Variants in NTM observed in about 807,000 individuals in gnomAD.
The protein encoded by NTM is neurotrimin, also known as IgLON family member 2.
A neutral mutation model predicts 42.1 loss-of-function variants in NTM; 13 were observed. The ratio of observed to expected loss-of-function variants is 0.31; its 90% CI spans 0.20 to 0.49. NTM has a LOEUF of 0.49. Ranked by LOEUF, NTM falls within the 20% of genes least tolerant of loss-of-function variation. The pLI, the probability that NTM is intolerant of heterozygous loss-of-function variation, is 0.99. For synonymous variants in NTM, 187 were observed against 179.2 expected, an observed-to-expected ratio of 1.04 and a Z score of -0.35; for missense variants, 373 against 452.8, an observed-to-expected ratio of 0.82 and a Z score of 1.60.
chr11:132,315,768 C>T (rs2095412359), intron 7 of NTM, among the ~76,000 whole-genome samples: 1 of 152,092 alleles, frequency 6.6e-6, no homozygotes, highest in African/African-American at 2.4e-5. Context: ...TGCATTCTAC[C>T]CGGCACAAAT....
chr11:131,508,294 T>C (rs1591871053), intron 1 of NTM, among the ~76,000 whole-genome samples: 1 of 145,802 alleles, frequency 6.9e-6, no homozygotes, highest in Non-Finnish European at 1.5e-5. Context: ...ATGCTCATCA[T>C]CACTGGCCAT....
chr11:132,243,517 G>A (rs561926964), intron 4 of NTM, among the ~76,000 whole-genome samples: 1 of 152,276 alleles, frequency 6.6e-6, no homozygotes, highest in South Asian at 2.1e-4. Context: ...GTGGCCTTCT[G>A]CACGCTCAGA....
chr11:131,862,734 T>G (rs1400014497), intron 1 of NTM, among the ~76,000 whole-genome samples: 2 of 152,222 alleles, frequency 1.3e-5, no homozygotes, highest in African/African-American at 4.8e-5. Context: ...CTGGTATTTA[T>G]TTTAGGACAA....
intron 2 of NTM, among the ~76,000 whole-genome samples, chr11:132,139,143 A>C (rs78318943): frequency 6.6e-6 from 1 of 152,158 alleles, no homozygotes; most frequent in Non-Finnish European, 1.5e-5. Context: ...TGTTTTGAAC[A>C]TGCTAGGGAA....
chr11:131,552,330 C>T (rs1054391947), intron 1 of NTM, among the ~76,000 whole-genome samples: 5 of 152,092 alleles, frequency 3.3e-5, no homozygotes, highest in Non-Finnish European at 5.9e-5. Flanking sequence ...CCTTTATCTA[C>T]CAAAACTTAA....
intron 2 of NTM, among the ~76,000 whole-genome samples, chr11:131,960,920 G>T (rs2062093457): frequency 6.6e-6 from 1 of 152,184 alleles, no homozygotes; most frequent in African/African-American, 2.4e-5. Context: ...AATTCACAGA[G>T]ATGCGTCATG....
At position 132,291,141 on chromosome 11, in the gene NTM, A is replaced by G. The variant is rs142584349; in HGVS notation, c.527-16548A>G. 2.0e-5 allele frequency among the ~76,000 whole-genome samples: 3 copies of G among 152,308 alleles called. No individual in the cohort carries two copies. The East Asian group carries it at 5.8e-4, about 29-fold the overall frequency. On this transcript the variant is annotated intron_variant, in intron 4 of 8. Coordinates refer to ENST00000683400, the MANE Select transcript of NTM (RefSeq NM_001352005.2). ...ATATTATTATTGAATAAAAATTAAA[A>G]TAGATAATATTTGTAAATAAGTTTT...
chr11:131,765,452 A>G (rs1372781046), intron 1 of NTM, among the ~76,000 whole-genome samples: 4 of 152,030 alleles, frequency 2.6e-5, no homozygotes, highest in East Asian at 3.9e-4. Context: ...AAATCTTTCT[A>G]TCTTATCATG....
At chr11:131,653,081 G>A (rs984829770) in intron 1 of NTM, among the ~76,000 whole-genome samples, 10 of 152,222 alleles carry the variant, frequency 6.6e-5, no homozygotes, top group South Asian at 4.1e-4. Flanking sequence ...GGGACTGGAT[G>A]ATGCAGGCTT....
Position 132,291,708 on chromosome 11 carries a change from C to A in NTM, c.527-15981C>A, listed in dbSNP as rs192025811. ...AGGACTATCCAGAGAGGTGGTTGGG[C>A]AGTTAGGAGATTATGACATTATAGA... On this transcript the variant is annotated intron_variant, in intron 4 of 8. Coordinates refer to ENST00000683400, the MANE Select transcript of NTM (RefSeq NM_001352005.2). Among the ~76,000 whole-genome samples, 318 of 152,138 alleles carry A rather than the reference C, an allele frequency of 2.1e-3. 2 individuals are homozygous for A. The highest frequency in any genetic ancestry group is 7.3e-3 in the African/African-American group (301 of 41,508).
intron 1 of NTM, among the ~76,000 whole-genome samples, chr11:131,860,738 C>T (rs993471441): frequency 1.3e-5 from 2 of 152,200 alleles, no homozygotes; most frequent in African/African-American, 4.8e-5. Flanking sequence ...AGGAAGTACA[C>T]TTTCACCACC....
At chr11:131,923,433 CAT>C (rs2057505303) in intron 2 of NTM, among the ~76,000 whole-genome samples, 1 of 152,148 alleles carries the variant, frequency 6.6e-6, no homozygotes, top group South Asian at 2.1e-4. Flanking sequence ...TCTGTATTGG[CAT>C]GGGATTGGGT....
At chr11:131,916,186 C>T (rs578235212) in intron 2 of NTM, among the ~76,000 whole-genome samples, 58 of 152,308 alleles carry the variant, frequency 3.8e-4, no homozygotes, top group African/African-American at 1.4e-3. Context: ...GCTCCTAGCT[C>T]CTGGGTGGAA....
intron 2 of NTM, among the ~76,000 whole-genome samples, chr11:132,100,177 A>G (rs903285241): frequency 6.6e-6 from 1 of 152,246 alleles, no homozygotes; most frequent in Non-Finnish European, 1.5e-5. Context: ...GAAGTTTTCC[A>G]AATGAAAGCT....
At chr11:131,770,286 G>C (rs2085852532) in intron 1 of NTM, among the ~76,000 whole-genome samples, 1 of 152,200 alleles carries the variant, frequency 6.6e-6, no homozygotes, top group Non-Finnish European at 1.5e-5. Context: ...TTACAAAAAA[G>C]GTGGAAAACT....
chr11:131,415,789 T>C (rs1946882122), intron 1 of NTM, among the ~76,000 whole-genome samples: 2 of 152,242 alleles, frequency 1.3e-5, no homozygotes, highest in South Asian at 2.1e-4. Context: ...TAAACCACGA[T>C]GACTCTTGAA....
chr11:131,548,487 T>C (rs543863695), intron 1 of NTM, among the ~76,000 whole-genome samples: 2 of 152,328 alleles, frequency 1.3e-5, no homozygotes, highest in African/African-American at 4.8e-5. Flanking sequence ...CTCAGAGCTA[T>C]ATAAATGTAA....
Position 131,617,123 on chromosome 11 carries a change from G to A in NTM, c.82+246235G>A, listed in dbSNP as rs1024375070. On this transcript the variant is annotated intron_variant, in intron 1 of 8. Coordinates refer to ENST00000683400, the MANE Select transcript of NTM (RefSeq NM_001352005.2). ...AGGCTGGGGCAGGCAGACCCTAGGTGTGCTGCCGATGTCAGGGTTCCCTCG... is the reference window on the plus strand; with the variant it reads ...AGGCTGGGGCAGGCAGACCCTAGGTATGCTGCCGATGTCAGGGTTCCCTCG... 2.0e-5 allele frequency among the ~76,000 whole-genome samples: 3 copies of A among 152,068 alleles called. No homozygotes were observed. In the South Asian group the frequency reaches 6.2e-4, roughly 32 times the overall value.
chr11:132,254,246 A>G (rs1335804043), intron 4 of NTM, among the ~76,000 whole-genome samples: 1 of 151,904 alleles, frequency 6.6e-6, no homozygotes, highest in Non-Finnish European at 1.5e-5. Context: ...CTCCCTGGGG[A>G]GTGTCTCCCC....
Sources: allele counts gnomAD v4.1 joint callset (sites outside exome capture counted in the v4.1 genomes callset), GRCh38; gene constraint gnomAD v4.1.1; transcripts MANE v1.5; gene names NCBI Gene and HGNC (gene_info 2026-07-23, HGNC 2026-07-21).